The following RNF121 variants were observed in gnomAD, a reference collection of about 807,000 sequenced individuals.
The protein encoded by RNF121 is E3 ubiquitin ligase RNF121.
Under a neutral mutation model 46.5 loss-of-function variants are expected in RNF121, and 21 were observed. That is an observed-to-expected ratio of 0.45 (90% CI 0.32 to 0.65). RNF121 has a LOEUF of 0.65. RNF121 is among the 30% of genes least tolerant of loss of function. The pLI is 0.04. For missense variants in RNF121, 346 were observed against 416.0 expected, an observed-to-expected ratio of 0.83 and a Z score of 1.46; for synonymous variants, 139 against 144.7, an observed-to-expected ratio of 0.96 and a Z score of 0.28.
At chr11:71,934,289 C>T (rs1263325675) in intron 1 of RNF121, among the ~76,000 whole-genome samples, 1 of 152,198 alleles carries the variant, frequency 6.6e-6, no homozygotes, top group African/African-American at 2.4e-5. Flanking sequence ...GATAATTGTC[C>T]TCAGAAAGTT....
chr11:71,947,587 T>G (rs1208310733), intron 1 of RNF121, among the ~76,000 whole-genome samples: 1 of 151,650 alleles, frequency 6.6e-6, no homozygotes, highest in Non-Finnish European at 1.5e-5. Flanking sequence ...ATGAAAGAGA[T>G]AGATAGTTCA....
At chr11:71,949,524 G>A (rs1456930899) in intron 1 of RNF121, among the ~76,000 whole-genome samples, 1 of 151,532 alleles carries the variant, frequency 6.6e-6, no homozygotes, top group Non-Finnish European at 1.5e-5. Context: ...AGACCAACCT[G>A]GCCAACATGG....
intron 4 of RNF121, among the ~76,000 whole-genome samples, chr11:71,986,582 A>G (rs1954775089): frequency 6.6e-6 from 1 of 151,998 alleles, no homozygotes; most frequent in Admixed American, 6.6e-5. Flanking sequence ...CCTGGCCAAT[A>G]TGGTGAAACC....
chr11:71,944,704 T>G (rs1953672217), intron 1 of RNF121, among the ~76,000 whole-genome samples: 2 of 152,208 alleles, frequency 1.3e-5, no homozygotes, highest in East Asian at 1.9e-4. Flanking sequence ...ACCAGAAGAT[T>G]TGAACTTGGG....
intron 3 of RNF121, 105 bp from the exon 4 acceptor site, chr11:71,982,656 A>G: frequency 7.8e-7 from 1 of 1,282,228 alleles, no homozygotes; most frequent in Middle Eastern, 2.5e-4. Flanking sequence ...AGTTGTAAAT[A>G]CAGGAGAGGA....
chr11:71,982,079 G>C (rs1689864653), intron 3 of RNF121, among the ~76,000 whole-genome samples: 1 of 152,132 alleles, frequency 6.6e-6, no homozygotes, highest in African/African-American at 2.4e-5. Flanking sequence ...TGACTTAAAG[G>C]CCTGGGGAGT....
chr11:71,942,582 G>A (rs888322333), intron 1 of RNF121, among the ~76,000 whole-genome samples: 35 of 151,940 alleles, frequency 2.3e-4, no homozygotes, highest in African/African-American at 8.4e-4. Flanking sequence ...GGCCAACATG[G>A]TGAAACCCCG....
intron 3 of RNF121, among the ~76,000 whole-genome samples, chr11:71,967,769 A>T (rs1954321499): frequency 6.6e-6 from 1 of 152,070 alleles, no homozygotes; most frequent in Non-Finnish European, 1.5e-5. Context: ...CATACTACAA[A>T]CATTTCCTCC....
chr11:71,997,460 T>A lies in RNF121; in HGVS notation c.*1145T>A, dbSNP rs903118717. 4.6e-5 allele frequency: 7 copies of A among 151,924 alleles called. No homozygotes were observed. Among genetic ancestry groups the A allele is most frequent in the African/African-American group, 1.7e-4 (7 of 41,318 alleles). The allele number at this position is 151,924 out of a possible 1,614,324, so 9.4% of individuals were successfully genotyped here. ...TAGGCGACTTGAATAAAGTGGGAGG[T>A]CAAACATGGGCCTTCGGCATTGGGT... On this transcript the variant is annotated 3_prime_UTR_variant, in exon 9 of 9. Coordinates refer to ENST00000361756, the MANE Select transcript of RNF121 (RefSeq NM_018320.5).
At chr11:71,995,164 T>C (rs2134224746) in intron 7 of RNF121, 1 of 566,964 alleles carries the variant, frequency 1.8e-6, no homozygotes, top group East Asian at 2.9e-5. Context: ...AGCATCATCC[T>C]CTGTTCTGAA....
intron 1 of RNF121, among the ~76,000 whole-genome samples, chr11:71,934,328 G>C (rs1019914961): frequency 1.3e-5 from 2 of 152,226 alleles, no homozygotes; most frequent in African/African-American, 4.8e-5. Context: ...GAGAAAGAGT[G>C]ATAAGTACAT....
chr11:71,952,444 A>G (rs1442901091), intron 1 of RNF121, among the ~76,000 whole-genome samples: 1 of 152,232 alleles, frequency 6.6e-6, no homozygotes, highest in South Asian at 2.1e-4. Context: ...AGTATACTTA[A>G]TTTTTTAAAA....
chr11:71,934,742 G>A (rs1953361291), intron 1 of RNF121, among the ~76,000 whole-genome samples: 1 of 152,102 alleles, frequency 6.6e-6, no homozygotes, highest in Non-Finnish European at 1.5e-5. Context: ...CCATAGGGTA[G>A]TAAACAGTGG....
intron 1 of RNF121, among the ~76,000 whole-genome samples, chr11:71,944,947 A>G (rs1953678955): frequency 6.6e-6 from 1 of 151,936 alleles, no homozygotes; most frequent in Non-Finnish European, 1.5e-5. Context: ...TTAAAGATCA[A>G]GTAGGATTAT....
intron 1 of RNF121, among the ~76,000 whole-genome samples, chr11:71,945,896 T>C (rs1414050109): frequency 4.6e-5 from 7 of 152,124 alleles, no homozygotes; most frequent in African/African-American, 1.7e-4. Flanking sequence ...GTGGATCACT[T>C]GAACCCGGGA....
intron 2 of RNF121, among the ~76,000 whole-genome samples, chr11:71,959,799 C>G (rs901275530): frequency 1.3e-5 from 2 of 152,122 alleles, no homozygotes; most frequent in Admixed American, 6.6e-5. Context: ...CCACACCCGG[C>G]TAATTTTTGT....
chr11:71,968,697 G>A (rs148350608), intron 3 of RNF121, among the ~76,000 whole-genome samples: 8 of 152,146 alleles, frequency 5.3e-5, no homozygotes, highest in Admixed American at 2.6e-4. Context: ...GTAGATATTC[G>A]TTGATCCTTT....
At chr11:71,984,128 A>G (rs1326273946) in intron 4 of RNF121, among the ~76,000 whole-genome samples, 2 of 152,214 alleles carry the variant, frequency 1.3e-5, no homozygotes, top group Non-Finnish European at 2.9e-5. Flanking sequence ...TGGGACAATA[A>G]TTGCTACCTC....
At chr11:71,992,807 A>G (rs947567693) in intron 6 of RNF121, among the ~76,000 whole-genome samples, 1 of 145,932 alleles carries the variant, frequency 6.9e-6, no homozygotes. Context: ...TTAACAGCCA[A>G]TCTGAGAAAC....
Sources: gnomAD v4.1 joint callset for allele counts (sites outside exome capture counted in the v4.1 genomes callset) on GRCh38, gnomAD v4.1.1 for gene constraint, MANE v1.5 for transcripts, NCBI Gene and HGNC (gene_info 2026-07-23, HGNC 2026-07-21) for gene names.